PEX2: variants seen among roughly 807,000 people sequenced by gnomAD.
PEX2 encodes the protein peroxisome biogenesis factor 2.
PEX2 carries 19 observed loss-of-function variants against 25.2 expected under a neutral mutation model. The observed-to-expected ratio is 0.75, with a 90% CI of 0.53 to 1.10. The LOEUF (loss-of-function observed/expected upper bound fraction) is 1.10. PEX2 is among the 50% of genes least tolerant of loss of function. The pLI is 0.00. For synonymous variants in PEX2, 141 were observed against 127.7 expected, an observed-to-expected ratio of 1.10 and a Z score of -0.70; for missense variants, 347 against 350.6, an observed-to-expected ratio of 0.99 and a Z score of 0.08.
intron 1 of PEX2, among the ~76,000 whole-genome samples, chr8:76,996,353 A>G (rs1807331796): frequency 6.6e-6 from 1 of 152,220 alleles, no homozygotes. Flanking sequence ...GTGAAATCCC[A>G]TGACCAGAGG....
intron 1 of PEX2, among the ~76,000 whole-genome samples, chr8:76,996,388 G>A (rs1482450399): frequency 2.0e-5 from 3 of 152,094 alleles, no homozygotes; most frequent in African/African-American, 7.2e-5. Flanking sequence ...CTAAACCAGC[G>A]TCCTATACTG....
chr8:76,996,719 G>C (rs939914058), intron 1 of PEX2, among the ~76,000 whole-genome samples: 1 of 152,172 alleles, frequency 6.6e-6, no homozygotes, highest in East Asian at 1.9e-4. Flanking sequence ...AAGGAACAAA[G>C]AGCCATTAGC....
At chr8:76,999,755 T>A (rs748976808) in intron 1 of PEX2, 13 of 447,728 alleles carry the variant, frequency 2.9e-5, no homozygotes, top group African/African-American at 1.6e-4. Flanking sequence ...TGCAGCTGTG[T>A]GTGTGTTTAT....
At chr8:76,997,262 C>G (rs556848671) in intron 1 of PEX2, among the ~76,000 whole-genome samples, 23 of 152,338 alleles carry the variant, frequency 1.5e-4, no homozygotes, top group African/African-American at 5.0e-4. Context: ...TGAACATTAA[C>G]TATTACGAAC....
chr8:77,000,187 C>A, upstream of PEX2: 2 of 307,552 alleles, frequency 6.5e-6, no homozygotes, highest in Non-Finnish European at 6.4e-6. Context: ...AGCGGCGCTG[C>A]TGAAGGCACT....
Position 76,982,429 on chromosome 8 carries a change from T to C in PEX2, c.*832A>G, listed in dbSNP as rs1240985825. On this transcript the variant is annotated 3_prime_UTR_variant, in exon 4 of 4. Coordinates refer to ENST00000357039, the MANE Select transcript of PEX2 (RefSeq NM_000318.3). ...CTTCCAAGCTGCCTTAAGTAATTTTTACTTTCTGAATATAAAGCCAACTGT... is the reference window on the plus strand; with the variant it reads ...CTTCCAAGCTGCCTTAAGTAATTTTCACTTTCTGAATATAAAGCCAACTGT... The C allele has an allele frequency of 6.6e-6, 1 of 152,268 alleles. No homozygotes were observed. The highest frequency in any genetic ancestry group is 2.4e-5 in the African/African-American group (1 of 41,464). 9.4% of individuals were successfully genotyped at this position (152,268 alleles called of 1,614,324 possible).
upstream of PEX2, chr8:77,000,920 C>T (rs553166439): frequency 1.3e-5 from 2 of 152,336 alleles, no homozygotes; most frequent in Non-Finnish European, 2.9e-5. Context: ...TCGCCACTGC[C>T]TTCTCGTTCT....
In PEX2 at chr8:76,980,698, A is replaced by C. The variant is rs1340827433; in HGVS notation, c.*2563T>G. 1 of 152,228 alleles carries C rather than the reference A, an allele frequency of 6.6e-6. No individual in the cohort carries two copies. Among genetic ancestry groups the C allele is most frequent in the African/African-American group, 2.4e-5 (1 of 41,456 alleles). The allele number at this position is 152,228 out of a possible 1,614,324, so 9.4% of individuals were successfully genotyped here. ...GGGATCAGAAAGCTAGCAGATTATA[A>C]GCCTTGAGCTTCTAGCGGCCATCAT... is the stretch of plus-strand genomic sequence containing the variant. On this transcript the variant is annotated 3_prime_UTR_variant, in exon 4 of 4. Transcript: ENST00000357039.
At position 76,983,263 on chromosome 8, in the gene PEX2, A is replaced by G. The variant is rs1554584372; in HGVS notation, c.916T>C (p.Ter306GlnextTer15). Residue 306 changes from the stop codon to glutamine (Q), a stop_lost, in exon 4 of 4, where the codon TAG (stop) becomes CAG (glutamine). Coordinates refer to ENST00000357039, the MANE Select transcript of PEX2 (RefSeq NM_000318.3). ...GIEMSEVNAL[*>Q] is the part of the protein sequence containing the mutation. Reference sequence around the variant, plus strand: ...CTCAAAGGAAGCAATTTTAGTTTCTAAAGAGCATTTACTTCTGACATCTCG... The same window carrying G: ...CTCAAAGGAAGCAATTTTAGTTTCTGAAGAGCATTTACTTCTGACATCTCG... The G allele has an allele frequency of 3.1e-6, 5 of 1,612,122 alleles. No homozygotes were observed. The African/African-American group carries it at 4.0e-5, about 13-fold the overall frequency.
chr8:76,983,019 A>T lies in PEX2; in HGVS notation c.*242T>A. 8.8e-7 allele frequency: 1 copy of T among 1,130,190 alleles called. No homozygotes were observed. The highest frequency in any genetic ancestry group is 1.8e-5 in the South Asian group (1 of 54,988). 70.0% of individuals were successfully genotyped at this position (1,130,190 alleles called of 1,614,324 possible). A position where few individuals can be genotyped will look rare whatever the true frequency, so the allele number is the denominator to read the frequency against. ...AGTAGTCACCTGACAAAAGCTGTCCATTATTCTTGACATTAAAAATTGAAT... is the reference window on the plus strand; with the variant it reads ...AGTAGTCACCTGACAAAAGCTGTCCTTTATTCTTGACATTAAAAATTGAAT... On this transcript the variant is annotated 3_prime_UTR_variant, in exon 4 of 4. Transcript: ENST00000357039.
At chr8:76,998,649 C>T (rs962833250) in intron 1 of PEX2, among the ~76,000 whole-genome samples, 2 of 152,152 alleles carry the variant, frequency 1.3e-5, no homozygotes, top group African/African-American at 2.4e-5. Flanking sequence ...ATTTAATCTT[C>T]TTAACAAGAA....
intron 2 of PEX2, chr8:76,987,943 G>A (rs573156954): frequency 6.6e-6 from 1 of 152,302 alleles, no homozygotes; most frequent in African/African-American, 2.4e-5. Flanking sequence ...AGGCAGTTAT[G>A]TAAATATGAC....
Position 76,983,634 on chromosome 8 carries a change from T to C in PEX2, c.545A>G (p.Asn182Ser). Reference protein sequence around the residue: ...GIHSVFCKPQNICEVGFEYMN... With the variant: ...GIHSVFCKPQSICEVGFEYMN... ...GTATTCAAAGCCAACTTCACATATG[T>C]TTTGAGGCTTGCAAAATACAGAATG... The change falls in exon 4 of 4, where the codon AAC becomes AGC. Residue 182 changes from asparagine to serine, a missense_variant. By Grantham distance (46) the Asn-to-Ser change is conservative. Coordinates refer to ENST00000357039, the MANE Select transcript of PEX2 (RefSeq NM_000318.3). 4 of 1,614,018 alleles carry C rather than the reference T, an allele frequency of 2.5e-6. No individual in the cohort carries two copies. Among genetic ancestry groups the C allele is most frequent in the Non-Finnish European group, 3.4e-6 (4 of 1,179,916 alleles).
upstream of PEX2, among the ~76,000 whole-genome samples, chr8:77,000,601 G>C (rs957991187): frequency 2.0e-4 from 31 of 152,206 alleles, no homozygotes; most frequent in African/African-American, 7.2e-4. Context: ...TGCTGCGCTT[G>C]GAGACCTGCC....
chr8:76,983,185 T>C lies in PEX2; in HGVS notation c.*76A>G. On this transcript the variant is annotated 3_prime_UTR_variant, in exon 4 of 4. Coordinates refer to ENST00000357039, the MANE Select transcript of PEX2 (RefSeq NM_000318.3). ...ACATTCCTTATAAAGGATACATAAA[T>C]GGTATACTTAGGATGACTAATATTA... 6.3e-7 allele frequency: 1 copy of C among 1,598,730 alleles called. No homozygotes were observed. Among genetic ancestry groups the C allele is most frequent in the Non-Finnish European group, 8.5e-7 (1 of 1,179,272 alleles).
intron 1 of PEX2, 196 bp downstream of exon 1, chr8:76,999,794 T>G (rs1807443222): frequency 2.2e-6 from 1 of 455,656 alleles, no homozygotes; most frequent in Non-Finnish European, 4.4e-6. Flanking sequence ...AAAAACATCT[T>G]TAGGAGTTTA....
intron 1 of PEX2, among the ~76,000 whole-genome samples, chr8:76,993,298 A>C (rs1807227728): frequency 6.6e-6 from 1 of 152,240 alleles, no homozygotes; most frequent in Admixed American, 6.5e-5. Flanking sequence ...TGAAGAAAAG[A>C]AAAACTGCCG....
rs1045639408 is a variant in PEX2 at position 76,988,323 on chromosome 8, G to C, written c.-144C>G. ...CAGGCATACCTCAGAGACACTGCAG[G>C]TTAGGTTCCAGACCACTGCAATAAA... On this transcript the variant is annotated 5_prime_UTR_variant, in exon 2 of 4. Transcript: ENST00000357039. The C allele has an allele frequency of 6.6e-6, 1 of 152,248 alleles. No homozygotes were observed. The highest frequency in any genetic ancestry group is 1.5e-5 in the Non-Finnish European group (1 of 68,070). The allele number at this position is 152,248 out of a possible 1,614,324, so 9.4% of individuals were successfully genotyped here. A position where few individuals can be genotyped will look rare whatever the true frequency, so the allele number is the denominator to read the frequency against.
At position 76,981,750 on chromosome 8, in the gene PEX2, T is replaced by C. The variant is rs950137720; in HGVS notation, c.*1511A>G. On this transcript the variant is annotated 3_prime_UTR_variant, in exon 4 of 4. Coordinates refer to ENST00000357039, the MANE Select transcript of PEX2 (RefSeq NM_000318.3). ...TCTCTCTCAAAAAATTGTGGGAAAG[T>C]TGATTTTATATTTTTTCCTGAATTG... is the stretch of plus-strand genomic sequence containing the variant. The C allele has an allele frequency of 6.6e-6, 1 of 152,142 alleles. No individual in the cohort carries two copies. Among genetic ancestry groups the C allele is most frequent in the Admixed American group, 6.5e-5 (1 of 15,282 alleles). 9.4% of individuals were successfully genotyped at this position (152,142 alleles called of 1,614,324 possible).
Sources: allele counts gnomAD v4.1 joint callset (sites outside exome capture counted in the v4.1 genomes callset), GRCh38; gene constraint gnomAD v4.1.1; transcripts MANE v1.5; gene names NCBI Gene and HGNC (gene_info 2026-07-23, HGNC 2026-07-21).